The following NSD1 variants were observed in gnomAD, a reference collection of about 807,000 sequenced individuals.
The protein encoded by NSD1 is histone-lysine N-methyltransferase, H3 lysine-36 specific.
In NSD1, 26 loss-of-function variants were observed where a neutral mutation model predicts 242.7. The observed-to-expected ratio is 0.11, with a 90% CI of 0.08 to 0.15. The LOEUF (loss-of-function observed/expected upper bound fraction) is 0.15, where lower values mean the gene tolerates loss of function less well. Ranked by LOEUF, NSD1 falls within the 10% of genes least tolerant of loss-of-function variation. NSD1 has a pLI of 1.00. For synonymous variants in NSD1, 1,106 were observed against 1,178.1 expected (o/e 0.94, Z 1.25); for missense variants, 2,495 against 3,272.8 (o/e 0.76, Z 5.80).
intron 3 of NSD1, among the ~76,000 whole-genome samples, chr5:177,192,394 T>C (rs982927569): frequency 6.6e-6 from 1 of 151,804 alleles, no homozygotes. Flanking sequence ...TTTTTTGTTT[T>C]TTTTTTTAAT....
rs144973155 is a variant in NSD1, at chr5:177,229,822, C to T, written c.3797-5999C>T. ...GCAGTGGCACGATCTAGGCTCACTGCAACCTCCGCCTCCCAGGTTCAAGTG... is the reference window on the plus strand; with the variant it reads ...GCAGTGGCACGATCTAGGCTCACTGTAACCTCCGCCTCCCAGGTTCAAGTG... On this transcript the variant is annotated intron_variant, in intron 5 of 22. Transcript: ENST00000439151. 507 of 301,256 alleles carry T rather than the reference C, an allele frequency of 1.7e-3. 1 individual carries two copies. Among genetic ancestry groups the T allele is most frequent in the Admixed American group, 4.3e-3 (99 of 22,790 alleles). The allele number at this position is 301,256 out of a possible 1,614,324, so 18.7% of individuals were successfully genotyped here.
At chr5:177,186,186 G>C (rs1378506443) in intron 2 of NSD1, among the ~76,000 whole-genome samples, 1 of 140,966 alleles carries the variant, frequency 7.1e-6, no homozygotes, top group Non-Finnish European at 1.5e-5. Context: ...AACTACCTGG[G>C]AGCCTGAGGG....
rs369935158 is a variant in NSD1 at position 177,135,967 on chromosome 5, A to G, written c.864A>G (p.Thr288=). 20 of 1,614,176 alleles carry G rather than the reference A, an allele frequency of 1.2e-5. No individual in the cohort carries two copies. In the African/African-American group the frequency reaches 2.4e-4, roughly 19 times the overall value. The change falls in exon 2 of 23, where the codon ACA becomes ACG. Residue 288 remains threonine, a synonymous_variant. Coordinates refer to ENST00000439151, the MANE Select transcript of NSD1 (RefSeq NM_022455.5). ...FQDDPDSSTS[T]LGNMLELPGT... ...ATGATCCAGATTCCAGTACCAGTAC[A>G]TTAGGAAACATGCTAGAATTACCTG...
intron 2 of NSD1, among the ~76,000 whole-genome samples, chr5:177,138,534 G>C (rs758224061): frequency 7.2e-5 from 11 of 152,138 alleles, no homozygotes; most frequent in African/African-American, 2.7e-4. Context: ...GGGATTACAG[G>C]CGTGAGCCAC....
chr5:177,276,051 C>G (rs1051702203), intron 17 of NSD1, among the ~76,000 whole-genome samples: 1 of 152,036 alleles, frequency 6.6e-6, no homozygotes, highest in African/African-American at 2.4e-5. Flanking sequence ...GCCTCAGTCT[C>G]CTAAGTAGCT....
chr5:177,265,366 C>T (rs1422603919), intron 14 of NSD1: 1 of 594,400 alleles, frequency 1.7e-6, no homozygotes, highest in Non-Finnish European at 3.0e-6. Context: ...TTTTTGTTTC[C>T]CAGCTGAAGA....
intron 14 of NSD1, chr5:177,265,988 G>T: frequency 9.4e-7 from 1 of 1,062,604 alleles, no homozygotes; most frequent in South Asian, 1.3e-5. Context: ...ATCCACTAGG[G>T]TTTCCTTGAT....
chr5:177,230,778 G>C lies in NSD1; in HGVS notation c.3797-5043G>C, dbSNP rs180927781. On this transcript the variant is annotated intron_variant, in intron 5 of 22. Transcript: ENST00000439151. ...TGAGGTGAAGGTTGCTGTGAGCCGA[G>C]ATCACACCACTGCACTTCAGCCTGG... Among the ~76,000 whole-genome samples, 294 of 149,550 alleles carry C rather than the reference G, an allele frequency of 2.0e-3. 1 individual carries two copies. The highest frequency in any genetic ancestry group is 7.0e-3 in the African/African-American group (283 of 40,636).
At chr5:177,236,274 A>G (rs1455593833) in intron 6 of NSD1, among the ~76,000 whole-genome samples, 1 of 152,202 alleles carries the variant, frequency 6.6e-6, no homozygotes. Context: ...AAAAGTAAAT[A>G]TATCTTATTT....
intron 2 of NSD1, among the ~76,000 whole-genome samples, chr5:177,180,594 TGAGA>T (rs1478194903): frequency 6.6e-6 from 1 of 152,110 alleles, no homozygotes; most frequent in African/African-American, 2.4e-5. Flanking sequence ...TGTTAATTAC[TGAGA>T]GAGGTTTTTC....
In NSD1 at chr5:177,202,760, A is replaced by G. The variant is rs992463242; in HGVS notation, c.1064-1360A>G. On this transcript the variant is annotated intron_variant, in intron 3 of 22. Coordinates refer to ENST00000439151, the MANE Select transcript of NSD1 (RefSeq NM_022455.5). ...CCTCTGTATAGGTACACACATGTGT[A>G]TATTAACCAGTTCCAGTTCCTGTAG... 2.0e-5 allele frequency among the ~76,000 whole-genome samples: 3 copies of G among 152,308 alleles called. No homozygotes were observed. In the East Asian group the frequency reaches 5.8e-4, roughly 29 times the overall value.
At chr5:177,159,087 G>A (rs1342246125) in intron 2 of NSD1, among the ~76,000 whole-genome samples, 3 of 141,142 alleles carry the variant, frequency 2.1e-5, no homozygotes, top group Non-Finnish European at 3.0e-5. Flanking sequence ...CTGTCACCCA[G>A]GCAGGAGTGC....
intron 2 of NSD1, among the ~76,000 whole-genome samples, chr5:177,175,769 A>G (rs746843506): frequency 6.6e-6 from 1 of 152,192 alleles, no homozygotes; most frequent in Non-Finnish European, 1.5e-5. Flanking sequence ...TAACATCTAG[A>G]GTAGTTTTAT....
chr5:177,139,377 C>T (rs367880917), intron 2 of NSD1, among the ~76,000 whole-genome samples: 3 of 146,044 alleles, frequency 2.1e-5, no homozygotes, highest in Admixed American at 7.0e-5. Flanking sequence ...ACCCGGGAGG[C>T]GGAGGTTGCA....
chr5:177,279,252 C>T (rs180775063), intron 17 of NSD1, among the ~76,000 whole-genome samples: 13 of 152,246 alleles, frequency 8.5e-5, no homozygotes, highest in Non-Finnish European at 1.5e-4. Context: ...GAGACCGAGG[C>T]GGGCAGATCA....
In NSD1 at chr5:177,135,094, C is replaced by T. The variant is rs2149755124; in HGVS notation, c.-10C>T. 3.7e-6 allele frequency: 6 copies of T among 1,613,946 alleles called. No individual in the cohort carries two copies. Among genetic ancestry groups the T allele is most frequent in the Non-Finnish European group, 4.2e-6 (5 of 1,179,840 alleles). On this transcript the variant is annotated 5_prime_UTR_variant, in exon 2 of 23. Transcript: ENST00000439151. The stretch of plus-strand genomic sequence containing the variant: ...TGTGCTTTTGGATTCCAGGTTGATG[C>T]CGGCCCAGGATGGATCAGACCTGTG...
chr5:177,257,341 C>T lies in NSD1; in HGVS notation c.4966+190C>T, dbSNP rs534021786. 2.0e-5 allele frequency among the ~76,000 whole-genome samples: 3 copies of T among 151,280 alleles called. No individual in the cohort carries two copies. The East Asian group carries it at 5.8e-4, about 29-fold the overall frequency. ...CGCCTCCTGGGTTCACGCCATTCTCCTGCTTCAGCCTCCTGAGTAGCTGGG... is the reference window on the plus strand; with the variant it reads ...CGCCTCCTGGGTTCACGCCATTCTCTTGCTTCAGCCTCCTGAGTAGCTGGG... On this transcript the variant is annotated intron_variant, in intron 13 of 22. Coordinates refer to ENST00000439151, the MANE Select transcript of NSD1 (RefSeq NM_022455.5).
intron 2 of NSD1, among the ~76,000 whole-genome samples, chr5:177,146,057 C>G (rs954518132): frequency 6.6e-6 from 1 of 151,586 alleles, no homozygotes; most frequent in Non-Finnish European, 1.5e-5. Flanking sequence ...CCACTGCACT[C>G]CAGCCTGGGT....
chr5:177,210,189 C>T lies in NSD1; in HGVS notation c.1790C>T (p.Ala597Val). The T allele has an allele frequency of 6.2e-7, 1 of 1,600,936 alleles. No homozygotes were observed. The highest frequency in any genetic ancestry group is 8.5e-7 in the Non-Finnish European group (1 of 1,174,414). Reference sequence around the variant, plus strand: ...TCTTTATTGGGCTTGCCTGAGGGTGCTTTGATCTCAAAGTGTTCTCGAGAG... The same window carrying T: ...TCTTTATTGGGCTTGCCTGAGGGTGTTTTGATCTCAAAGTGTTCTCGAGAG... ...GDSLLGLPEGALISKCSREKN... is the reference protein window; with the variant it reads ...GDSLLGLPEGVLISKCSREKN... The change falls in exon 5 of 23, where the codon GCT becomes GTT. Residue 597 changes from alanine (A) to valine (V), a missense_variant. This residue lies in a region of NSD1 where 515 missense variants were observed against 467.0 expected (regional missense o/e 1.10). Coordinates refer to ENST00000439151, the MANE Select transcript of NSD1 (RefSeq NM_022455.5).
Sources: allele counts gnomAD v4.1 joint callset (sites outside exome capture counted in the v4.1 genomes callset), GRCh38; gene constraint gnomAD v4.1.1; regional missense constraint gnomAD v4.1.1; transcripts MANE v1.5; gene names NCBI Gene and HGNC (gene_info 2026-07-23, HGNC 2026-07-21).